MAP2K5: variants seen among roughly 807,000 people sequenced by gnomAD.
The protein encoded by MAP2K5 is mitogen-activated protein kinase kinase 5.
A neutral mutation model predicts 83.1 loss-of-function variants in MAP2K5; 49 were observed. The ratio of observed to expected loss-of-function variants is 0.59; its 90% CI spans 0.47 to 0.75. The LOEUF (loss-of-function observed/expected upper bound fraction) is 0.75, where lower values mean the gene tolerates loss of function less well. Among genes scored for constraint, MAP2K5 ranks in the 30% least tolerant of loss-of-function variants. MAP2K5 has a pLI of 0.00. For synonymous variants in MAP2K5, 202 were observed against 191.8 expected (o/e 1.05, Z -0.44); for missense variants, 457 against 557.5 (o/e 0.82, Z 1.82).
At chr15:67,616,098 ACTT>A (rs759781589) in intron 8 of MAP2K5, among the ~76,000 whole-genome samples, 13 of 152,106 alleles carry the variant, frequency 8.5e-5, no homozygotes, top group Non-Finnish European at 1.8e-4. Context: ...TGAAATGGAA[ACTT>A]CTAAGTTGAG....
intron 17 of MAP2K5, among the ~76,000 whole-genome samples, chr15:67,737,160 T>C (rs2089359765): frequency 6.6e-6 from 1 of 152,172 alleles, no homozygotes; most frequent in Non-Finnish European, 1.5e-5. Context: ...CTCCAACTGG[T>C]GTGTCTGCAG....
At chr15:67,744,013 C>T (rs2089551850) in intron 17 of MAP2K5, among the ~76,000 whole-genome samples, 1 of 152,218 alleles carries the variant, frequency 6.6e-6, no homozygotes. Context: ...TCAGGCCAGG[C>T]ACTATCTATG....
In MAP2K5 at chr15:67,746,194, A is replaced by T. The variant is rs1178448972; in HGVS notation, c.1075-2037A>T. Among the ~76,000 whole-genome samples the T allele has an allele frequency of 6.6e-6, 1 of 152,302 alleles. No homozygotes were observed. The highest frequency in any genetic ancestry group is 1.9e-4 in the East Asian group (1 of 5,180). On this transcript the variant is annotated intron_variant, in intron 17 of 21. Coordinates refer to ENST00000178640, the MANE Select transcript of MAP2K5 (RefSeq NM_145160.3). The surrounding 1 kb of genome is among the most constrained non-coding windows in gnomAD (Gnocchi z 4.1). Reference sequence around the variant, plus strand: ...AAGTTTCCTCCCCTCAGTTAATCTGATTCACACAACTCATATGTTTCTGGG... The same window carrying T: ...AAGTTTCCTCCCCTCAGTTAATCTGTTTCACACAACTCATATGTTTCTGGG...
At chr15:67,691,837 G>A (rs12593664) in intron 13 of MAP2K5, among the ~76,000 whole-genome samples, 26,110 of 152,058 alleles carry the variant, frequency 0.17, 2,902 homozygotes, top group African/African-American at 0.32. Context: ...AATAATGTAA[G>A]GGAAGAGAAG....
intron 8 of MAP2K5, among the ~76,000 whole-genome samples, chr15:67,606,548 C>T (rs1291109895): frequency 6.6e-6 from 1 of 152,142 alleles, no homozygotes; most frequent in East Asian, 1.9e-4. Context: ...GCTGGTCTCT[C>T]CTCCTTTCTG....
intron 7 of MAP2K5, among the ~76,000 whole-genome samples, chr15:67,595,073 A>G (rs2085496082): frequency 1.3e-5 from 2 of 152,212 alleles, no homozygotes; most frequent in Non-Finnish European, 2.9e-5. Flanking sequence ...AGCATTAATA[A>G]TGATTTGCCT....
chr15:67,577,866 G>C lies in MAP2K5; in HGVS notation c.253-2888G>C, dbSNP rs934069481. ...AAATACAAAAATTAGCCGGGCCAGT[G>C]GTGGGTGCCTGTAATCCCAGCTACT... is the stretch of plus-strand genomic sequence containing the variant. On this transcript the variant is annotated intron_variant, in intron 3 of 21. Transcript: ENST00000178640. This position sits in a 1 kb window ranked among gnomAD's most constrained non-coding sequence, Gnocchi z 4.1. Among the ~76,000 whole-genome samples the C allele has an allele frequency of 8.5e-5, 13 of 152,112 alleles. No homozygotes were observed. The highest frequency in any genetic ancestry group is 5.9e-5 in the Non-Finnish European group (4 of 68,018).
In MAP2K5 at chr15:67,769,121, T is replaced by G. The variant is rs1219133631; in HGVS notation, c.1135-481T>G. Among the ~76,000 whole-genome samples, 1 of 151,124 alleles carries G rather than the reference T, an allele frequency of 6.6e-6. No homozygotes were observed. Among genetic ancestry groups the G allele is most frequent in the Non-Finnish European group, 1.5e-5 (1 of 67,776 alleles). On this transcript the variant is annotated intron_variant, in intron 19 of 21. Coordinates refer to ENST00000178640, the MANE Select transcript of MAP2K5 (RefSeq NM_145160.3). This position sits in a 1 kb window ranked among gnomAD's most constrained non-coding sequence, Gnocchi z 5.2. ...TTCTATTAAAGTAAAAAAAAAAAATTGATCCAAATTATTCTGTTAGGGGCA... is the reference window on the plus strand; with the variant it reads ...TTCTATTAAAGTAAAAAAAAAAAATGGATCCAAATTATTCTGTTAGGGGCA...
In MAP2K5 at chr15:67,638,222, C is replaced by T. The variant is rs1382721609; in HGVS notation, c.585+7295C>T. ...ATTTTTCCTGATCATCTCCCCACTTCACCCTCCACCTTCTGATAGGCCACA... is the reference window on the plus strand; with the variant it reads ...ATTTTTCCTGATCATCTCCCCACTTTACCCTCCACCTTCTGATAGGCCACA... On this transcript the variant is annotated intron_variant, in intron 9 of 21. Transcript: ENST00000178640. This position sits in a 1 kb window ranked among gnomAD's most constrained non-coding sequence, Gnocchi z 4.5. Among the ~76,000 whole-genome samples the T allele has an allele frequency of 6.6e-6, 1 of 152,146 alleles. No homozygotes were observed. Among genetic ancestry groups the T allele is most frequent in the African/African-American group, 2.4e-5 (1 of 41,406 alleles).
At chr15:67,564,410 C>T (rs1435615180) in intron 3 of MAP2K5, among the ~76,000 whole-genome samples, 2 of 152,134 alleles carry the variant, frequency 1.3e-5, no homozygotes, top group African/African-American at 2.4e-5. Context: ...TCTTAGTCAA[C>T]AGTTAGGTTG....
rs370803546 is a variant in MAP2K5, at chr15:67,549,985, G to A, written c.136-49G>A. 4.3e-6 allele frequency: 6 copies of A among 1,386,926 alleles called. No homozygotes were observed. In the African/African-American group the frequency reaches 5.7e-5, roughly 13 times the overall value. 85.9% of individuals were successfully genotyped at this position (1,386,926 alleles called of 1,614,324 possible). ...TTCCTGTAGGATTTGCCACATGTTA[G>A]CAATAAAGAAGATGGCTAATTGTGT... On this transcript the variant is annotated intron_variant, in intron 1 of 21. Coordinates refer to ENST00000178640, the MANE Select transcript of MAP2K5 (RefSeq NM_145160.3).
At chr15:67,642,928 A>G (rs2086745499) in intron 9 of MAP2K5, among the ~76,000 whole-genome samples, 2 of 152,184 alleles carry the variant, frequency 1.3e-5, no homozygotes, top group Non-Finnish European at 2.9e-5. Flanking sequence ...GAGATGCAAT[A>G]TATCTTAATA....
At chr15:67,711,272 T>G (rs1056386543) in intron 16 of MAP2K5, among the ~76,000 whole-genome samples, 1 of 152,260 alleles carries the variant, frequency 6.6e-6, no homozygotes, top group Non-Finnish European at 1.5e-5. Flanking sequence ...TAAAGTGTGA[T>G]GGAGTCTTTA....
chr15:67,800,092 A>G (rs907194612), intron 21 of MAP2K5, among the ~76,000 whole-genome samples: 1 of 152,128 alleles, frequency 6.6e-6, no homozygotes, highest in Non-Finnish European at 1.5e-5. Context: ...GTTATGATTT[A>G]TTATCTCATG....
At chr15:67,553,680 G>A (rs1039483742) in intron 2 of MAP2K5, among the ~76,000 whole-genome samples, 6 of 151,982 alleles carry the variant, frequency 3.9e-5, no homozygotes, top group African/African-American at 1.2e-4. Flanking sequence ...TTGGGAGGCC[G>A]AGGCAGGTGG....
intron 19 of MAP2K5, among the ~76,000 whole-genome samples, chr15:67,765,323 C>CA (rs1165586018): frequency 4.0e-4 from 61 of 152,320 alleles, no homozygotes; most frequent in African/African-American, 1.4e-3. Flanking sequence ...CGTGCCACTG[C>CA]ACTCCAGCCT....
rs2583591 is a variant in MAP2K5 at position 67,543,768 on chromosome 15, A to C, written c.135+298A>C. ...CGCAAATGCAAACTGCTGAATCTAGAAGAGAGGTTTTTTCCCCCCAAGTGT... is the reference window on the plus strand; with the variant it reads ...CGCAAATGCAAACTGCTGAATCTAGCAGAGAGGTTTTTTCCCCCCAAGTGT... On this transcript the variant is annotated intron_variant, in intron 1 of 21. Transcript: ENST00000178640. The surrounding 1 kb of genome is among the most constrained non-coding windows in gnomAD (Gnocchi z 4.3). Among the ~76,000 whole-genome samples the C allele has an allele frequency of 5.8e-3, 876 of 152,262 alleles. 7 individuals are homozygous for C. Among genetic ancestry groups the C allele is most frequent in the African/African-American group, 0.018 (760 of 41,562 alleles).
intron 19 of MAP2K5, among the ~76,000 whole-genome samples, chr15:67,763,113 C>T (rs1371802576): frequency 1.3e-5 from 2 of 152,060 alleles, no homozygotes; most frequent in Admixed American, 6.5e-5. Context: ...TGCAGCTGAG[C>T]GGAGTTAGAG....
At position 67,641,181 on chromosome 15, in the gene MAP2K5, T is replaced by C. The variant is rs1181144230; in HGVS notation, c.586-5050T>C. Among the ~76,000 whole-genome samples, 3 of 152,330 alleles carry C rather than the reference T, an allele frequency of 2.0e-5. No individual in the cohort carries two copies. The East Asian group carries it at 5.8e-4, about 29-fold the overall frequency. ...TTGTTTGTTTTCTAAGTGGGAAAAA[T>C]CCATCTAACAGGAAATTTCTTAGCA... On this transcript the variant is annotated intron_variant, in intron 9 of 21. Transcript: ENST00000178640.
Sources: allele counts gnomAD v4.1 joint callset (sites outside exome capture counted in the v4.1 genomes callset), GRCh38; gene constraint gnomAD v4.1.1; non-coding constraint Gnocchi (gnomAD v3.1); transcripts MANE v1.5; gene names NCBI Gene and HGNC (gene_info 2026-07-23, HGNC 2026-07-21).